The following ACYP2 variants were observed in gnomAD, a reference collection of about 807,000 sequenced individuals.
ACYP2 encodes the protein acylphosphatase-2.
A neutral mutation model predicts 11.2 loss-of-function variants in ACYP2; 12 were observed. That is an observed-to-expected ratio of 1.08 (90% CI 0.69 to 1.74). The LOEUF is 1.74. Among genes scored for constraint, ACYP2 ranks in the 40% most tolerant of loss-of-function variants. The probability of loss-of-function intolerance (pLI) is 0.00; values close to 1 mark genes in which losing one functional copy is unlikely to be tolerated. For synonymous variants in ACYP2, 43 were observed against 32.2 expected (o/e 1.33, Z -1.13); for missense variants, 134 against 101.9 (o/e 1.31, Z -1.35).
intron 6 of ACYP2, among the ~76,000 whole-genome samples, chr2:54,206,827 G>A (rs565901027): frequency 6.6e-6 from 1 of 152,266 alleles, no homozygotes; most frequent in South Asian, 2.1e-4. Context: ...ACTTTCGTGG[G>A]TTCCATCCAT....
chr2:54,055,368 A>G (rs1017440942), intron 3 of ACYP2, among the ~76,000 whole-genome samples: 5 of 152,088 alleles, frequency 3.3e-5, no homozygotes, highest in Non-Finnish European at 7.4e-5. Flanking sequence ...TTCCTAAATC[A>G]TGTGTCAGGA....
At chr2:54,110,102 C>G (rs1679381301) in intron 4 of ACYP2, among the ~76,000 whole-genome samples, 2 of 152,144 alleles carry the variant, frequency 1.3e-5, no homozygotes, top group Admixed American at 1.3e-4. Context: ...ATTATATTCT[C>G]TTCAATTTTT....
intron 2 of ACYP2, among the ~76,000 whole-genome samples, chr2:54,017,199 T>C (rs1417744535): frequency 6.6e-6 from 1 of 151,900 alleles, no homozygotes; most frequent in Non-Finnish European, 1.5e-5. Flanking sequence ...AGCTCTCAGG[T>C]CTTAATTACC....
At chr2:54,038,349 CTT>C (rs1161241468) in intron 2 of ACYP2, among the ~76,000 whole-genome samples, 1 of 152,060 alleles carries the variant, frequency 6.6e-6, no homozygotes, top group East Asian at 1.9e-4. Flanking sequence ...ACTGCATACT[CTT>C]TGTTTTTTTT....
At chr2:54,252,903 CAA>C (rs750791731) in intron 6 of ACYP2, among the ~76,000 whole-genome samples, 3 of 136,000 alleles carry the variant, frequency 2.2e-5, no homozygotes, top group African/African-American at 5.5e-5. Flanking sequence ...GACTCCGTCT[CAA>C]AAAAAAAAAA....
At chr2:54,117,480 A>G (rs1490292771) in intron 4 of ACYP2, among the ~76,000 whole-genome samples, 1 of 152,070 alleles carries the variant, frequency 6.6e-6, no homozygotes, top group Non-Finnish European at 1.5e-5. Flanking sequence ...ATTTTTTTGT[A>G]GAGAAAGGGT....
chr2:54,164,508 A>C, intron 6 of ACYP2, among the ~76,000 whole-genome samples: 1 of 152,198 alleles, frequency 6.6e-6, no homozygotes, highest in South Asian at 2.1e-4. Context: ...CACTGGGTAC[A>C]TAGGGAAGAG....
chr2:54,259,108 G>T (rs1687673985), intron 6 of ACYP2, among the ~76,000 whole-genome samples: 1 of 152,208 alleles, frequency 6.6e-6, no homozygotes, highest in South Asian at 2.1e-4. Flanking sequence ...AGAAGTCAAG[G>T]ATGACTCCAA....
intron 6 of ACYP2, among the ~76,000 whole-genome samples, chr2:54,270,128 T>C (rs1413007494): frequency 1.3e-5 from 2 of 152,200 alleles, no homozygotes; most frequent in Non-Finnish European, 2.9e-5. Flanking sequence ...TTGTTATGTA[T>C]ACTAACTTCT....
At chr2:54,080,137 A>G in intron 4 of ACYP2, 1 of 202,710 alleles carries the variant, frequency 4.9e-6, no homozygotes, top group South Asian at 9.8e-5. Flanking sequence ...GCACATAGGC[A>G]TCAAAGATAT....
At chr2:54,021,471 G>T (rs1674005476) in intron 2 of ACYP2, among the ~76,000 whole-genome samples, 1 of 152,180 alleles carries the variant, frequency 6.6e-6, no homozygotes, top group East Asian at 1.9e-4. Flanking sequence ...TAAAATCTTT[G>T]AAGAGGAATT....
intron 4 of ACYP2, among the ~76,000 whole-genome samples, chr2:54,062,907 A>T (rs567435316): frequency 6.6e-6 from 1 of 152,336 alleles, no homozygotes; most frequent in East Asian, 1.9e-4. Flanking sequence ...GACAGACATG[A>T]CTTCTCTGTT....
intron 4 of ACYP2, among the ~76,000 whole-genome samples, chr2:54,075,905 A>T (rs942233159): frequency 6.6e-6 from 1 of 151,866 alleles, no homozygotes; most frequent in African/African-American, 2.4e-5. Flanking sequence ...AGGTTATAAA[A>T]TATGTCACTC....
chr2:54,215,646 G>C (rs904761873), intron 6 of ACYP2, among the ~76,000 whole-genome samples: 1 of 152,014 alleles, frequency 6.6e-6, no homozygotes, highest in African/African-American at 2.4e-5. Flanking sequence ...ACAATAAATT[G>C]TGTAAATTTA....
At chr2:54,179,649 T>C (rs1335250407) in intron 6 of ACYP2, among the ~76,000 whole-genome samples, 1 of 152,142 alleles carries the variant, frequency 6.6e-6, no homozygotes, top group Non-Finnish European at 1.5e-5. Context: ...TAAACTGTCA[T>C]GGTGCTGGTG....
intron 6 of ACYP2, among the ~76,000 whole-genome samples, chr2:54,205,489 A>T (rs976523434): frequency 7.9e-5 from 12 of 152,170 alleles, no homozygotes; most frequent in African/African-American, 2.9e-4. Context: ...GCCTACTCCT[A>T]TTATACATCT....
chr2:54,297,998 TAAAACTAG>T (rs1689584725), intron 6 of ACYP2, among the ~76,000 whole-genome samples: 1 of 152,190 alleles, frequency 6.6e-6, no homozygotes, highest in African/African-American at 2.4e-5. Context: ...CACGGACATT[TAAAACTAG>T]AAGAATAATG....
At chr2:54,115,713 G>A (rs527774995) in intron 4 of ACYP2, 1 of 1,613,006 alleles carries the variant, frequency 6.2e-7, no homozygotes, top group South Asian at 1.1e-5. Context: ...CTACCGCCCA[G>A]TCACTCAAAT....
At chr2:54,081,744 T>C (rs1677667612) in intron 4 of ACYP2, among the ~76,000 whole-genome samples, 1 of 152,244 alleles carries the variant, frequency 6.6e-6, no homozygotes, top group Non-Finnish European at 1.5e-5. Context: ...ACATGTCTGA[T>C]GATCTGGTCG....
Sources: gnomAD v4.1 joint callset for allele counts (sites outside exome capture counted in the v4.1 genomes callset) on GRCh38, gnomAD v4.1.1 for gene constraint, MANE v1.5 for transcripts, NCBI Gene and HGNC (gene_info 2026-07-23, HGNC 2026-07-21) for gene names.